The following CSMD1 variants were observed in gnomAD, a reference collection of about 807,000 sequenced individuals.
CSMD1 encodes CUB and sushi domain-containing protein 1.
A neutral mutation model predicts 417.5 loss-of-function variants in CSMD1; 213 were observed. That is an observed-to-expected ratio of 0.51 (90% CI 0.46 to 0.57). The LOEUF (loss-of-function observed/expected upper bound fraction) is 0.57. CSMD1 is among the 20% of genes least tolerant of loss of function. CSMD1 has a pLI of 0.00. For synonymous variants in CSMD1, 2,862 were observed against 1,736.8 expected, an observed-to-expected ratio of 1.65 and a Z score of -16.11; for missense variants, 6,923 against 4,529.7, an observed-to-expected ratio of 1.53 and a Z score of -15.17.
At chr8:3,942,110 G>A (rs566363998) in intron 5 of CSMD1, among the ~76,000 whole-genome samples, 3 of 152,008 alleles carry the variant, frequency 2.0e-5, no homozygotes, top group South Asian at 2.1e-4. Flanking sequence ...AATGCCTGAT[G>A]ATCTGTCACG....
chr8:3,192,869 T>C (rs1181803663), intron 33 of CSMD1, among the ~76,000 whole-genome samples: 2 of 152,102 alleles, frequency 1.3e-5, no homozygotes, highest in Admixed American at 6.5e-5. Context: ...TAACATAATA[T>C]TTCTTGAAAT....
chr8:4,025,503 C>G (rs1219140412), intron 4 of CSMD1, among the ~76,000 whole-genome samples: 1 of 152,162 alleles, frequency 6.6e-6, no homozygotes, highest in Non-Finnish European at 1.5e-5. Context: ...GAGGCAAAAG[C>G]ATTTTTCATT....
rs551546168 is a variant in CSMD1, at chr8:4,385,512, T to C, written c.415+34441A>G. Among the ~76,000 whole-genome samples the C allele has an allele frequency of 1.1e-3, 171 of 152,338 alleles. 1 individual carries two copies. Among genetic ancestry groups the C allele is most frequent in the African/African-American group, 3.7e-3 (152 of 41,578 alleles). Reference sequence around the variant, plus strand: ...TTGGAGCTTAGTACTACCGTATTAGTAGTCTTAAGAATATTAATCTCCTTT... The same window carrying C: ...TTGGAGCTTAGTACTACCGTATTAGCAGTCTTAAGAATATTAATCTCCTTT... On this transcript the variant is annotated intron_variant, in intron 3 of 69. Transcript: ENST00000635120.
chr8:3,254,179 C>T (rs552889703), intron 26 of CSMD1, among the ~76,000 whole-genome samples: 1 of 152,154 alleles, frequency 6.6e-6, no homozygotes, highest in East Asian at 1.9e-4. Context: ...AAGTTCTTTT[C>T]TTTAAGAATG....
chr8:3,930,544 G>A (rs1188717618), intron 5 of CSMD1, among the ~76,000 whole-genome samples: 1 of 150,084 alleles, frequency 6.7e-6, no homozygotes, highest in Admixed American at 6.6e-5. Context: ...GTTCTAAGTT[G>A]CTAGCCAATC....
intron 7 of CSMD1, among the ~76,000 whole-genome samples, chr8:3,683,980 T>C (rs1327710753): frequency 6.6e-6 from 1 of 151,686 alleles, no homozygotes; most frequent in African/African-American, 2.4e-5. Flanking sequence ...GATTGAGAAG[T>C]ATGAAGTAAC....
At chr8:4,774,191 C>G (rs1369907615) in intron 1 of CSMD1, among the ~76,000 whole-genome samples, 1 of 152,158 alleles carries the variant, frequency 6.6e-6, no homozygotes, top group Non-Finnish European at 1.5e-5. Flanking sequence ...CAGAGCGAGG[C>G]TGTCTCAAAA....
At chr8:4,367,435 A>T (rs1802144116) in intron 3 of CSMD1, among the ~76,000 whole-genome samples, 1 of 152,102 alleles carries the variant, frequency 6.6e-6, no homozygotes, top group South Asian at 2.1e-4. Context: ...TTTCTGTACC[A>T]GTACCATGAT....
rs566693049 is a variant in CSMD1, at chr8:3,399,973, T to C, written c.2267-444A>G. 1.2e-4 allele frequency among the ~76,000 whole-genome samples: 18 copies of C among 152,314 alleles called. No individual in the cohort carries two copies. The East Asian group carries it at 3.3e-3, about 28-fold the overall frequency. On this transcript the variant is annotated intron_variant, in intron 15 of 69. Coordinates refer to ENST00000635120, the MANE Select transcript of CSMD1 (RefSeq NM_033225.6). The stretch of plus-strand genomic sequence containing the variant: ...GTATGCATGTGTTTATTTACTTCCA[T>C]TGTGTGCATTTTATTAAAATAAATA...
intron 1 of CSMD1, among the ~76,000 whole-genome samples, chr8:4,797,067 C>G (rs1181167413): frequency 1.3e-5 from 2 of 152,104 alleles, no homozygotes; most frequent in African/African-American, 4.8e-5. Context: ...CAGATTCTGT[C>G]CATGTGTTCT....
intron 12 of CSMD1, among the ~76,000 whole-genome samples, chr8:3,412,085 TATAC>T (rs1812834189): frequency 1.7e-5 from 2 of 120,130 alleles, no homozygotes; most frequent in African/African-American, 7.3e-5. Context: ...TATACATATA[TATAC>T]ACACGTATAT....
chr8:3,285,553 T>G (rs28666019), intron 25 of CSMD1, among the ~76,000 whole-genome samples: 1 of 151,600 alleles, frequency 6.6e-6, no homozygotes, highest in Non-Finnish European at 1.5e-5. Context: ...TGTTCAGTTA[T>G]TATTAGTATT....
At chr8:4,841,576 G>C (rs976060262) in intron 1 of CSMD1, among the ~76,000 whole-genome samples, 1 of 152,052 alleles carries the variant, frequency 6.6e-6, no homozygotes, top group African/African-American at 2.4e-5. Flanking sequence ...AAACCATTAC[G>C]CTGAAATATA....
At chr8:3,619,358 A>T (rs1584970873) in intron 7 of CSMD1, among the ~76,000 whole-genome samples, 1 of 146,290 alleles carries the variant, frequency 6.8e-6, no homozygotes, top group East Asian at 2.0e-4. Flanking sequence ...GGAGCACGGT[A>T]GTTAATTTTT....
At chr8:4,897,145 C>T (rs1804550908) in intron 1 of CSMD1, among the ~76,000 whole-genome samples, 1 of 151,986 alleles carries the variant, frequency 6.6e-6, no homozygotes, top group Admixed American at 6.5e-5. Context: ...AAGGCAGGTG[C>T]ACGTTATTAT....
chr8:3,641,310 C>A (rs769934626), intron 7 of CSMD1, among the ~76,000 whole-genome samples: 1 of 151,956 alleles, frequency 6.6e-6, no homozygotes, highest in African/African-American at 2.4e-5. Context: ...AGGTGGAGAA[C>A]GGGTGAGTCA....
chr8:4,078,084 GC>G (rs1799927876), intron 3 of CSMD1, among the ~76,000 whole-genome samples: 1 of 152,108 alleles, frequency 6.6e-6, no homozygotes. Context: ...ATGCCTACAT[GC>G]CAAAGAGAGA....
At chr8:3,480,050 G>A (rs1014762814) in intron 11 of CSMD1, among the ~76,000 whole-genome samples, 1 of 152,078 alleles carries the variant, frequency 6.6e-6, no homozygotes, top group African/African-American at 2.4e-5. Context: ...AAACAACAGA[G>A]ACAAAACAGA....
intron 2 of CSMD1, among the ~76,000 whole-genome samples, chr8:4,636,821 G>T (rs1802838931): frequency 6.6e-6 from 1 of 152,110 alleles, no homozygotes; most frequent in South Asian, 2.1e-4. Flanking sequence ...AAGCCAGCTG[G>T]ACTTCTTGCA....
Sources: allele counts gnomAD v4.1 joint callset (sites outside exome capture counted in the v4.1 genomes callset), GRCh38; gene constraint gnomAD v4.1.1; transcripts MANE v1.5; gene names NCBI Gene and HGNC (gene_info 2026-07-23, HGNC 2026-07-21).